MALRD1: variants seen among roughly 807,000 people sequenced by gnomAD.
MALRD1 encodes the protein MAM and LDL receptor class A domain containing 1.
In MALRD1, 247 loss-of-function variants were observed where a neutral mutation model predicts 242.1. That is an observed-to-expected ratio of 1.02 (90% CI 0.92 to 1.13). MALRD1 has a LOEUF of 1.13. MALRD1 is among the 50% of genes most tolerant of loss of function. MALRD1 has a pLI of 0.00. For missense variants in MALRD1, 2,989 were observed against 2,533.1 expected, an observed-to-expected ratio of 1.18 and a Z score of -3.86; for synonymous variants, 995 against 866.6, an observed-to-expected ratio of 1.15 and a Z score of -2.60.
chr10:19,483,217 A>G lies in MALRD1; in HGVS notation c.5030-8300A>G, dbSNP rs1343101398. The stretch of plus-strand genomic sequence containing the variant: ...CTATAAGAATCCTAGAAAAAAAAAA[A>G]ACCTAGGAAACACCATTTTTGACAC... On this transcript the variant is annotated intron_variant, in intron 29 of 39. Transcript: ENST00000454679. Among the ~76,000 whole-genome samples, 3 of 152,070 alleles carry G rather than the reference A, an allele frequency of 2.0e-5. No homozygotes were observed. In the East Asian group the frequency reaches 5.8e-4, roughly 29 times the overall value.
intron 34 of MALRD1, among the ~76,000 whole-genome samples, chr10:19,597,526 G>A (rs1838154865): frequency 6.6e-6 from 1 of 152,178 alleles, no homozygotes; most frequent in East Asian, 1.9e-4. Flanking sequence ...AGATATAACA[G>A]ACTTTGAGGG....
Position 19,561,753 on chromosome 10 carries a change from A to T in MALRD1, c.5479-5749A>T, listed in dbSNP as rs1423328664. ...TTTTCTCCTTCTTGGATGAAACAAG[A>T]AGGCTGGAATGCCTGGAACTGGTTA... On this transcript the variant is annotated intron_variant, in intron 32 of 39. Coordinates refer to ENST00000454679, the MANE Select transcript of MALRD1 (RefSeq NM_001142308.3). Among the ~76,000 whole-genome samples, 4 of 151,710 alleles carry T rather than the reference A, an allele frequency of 2.6e-5. No individual in the cohort carries two copies. In the East Asian group the frequency reaches 7.8e-4, roughly 29 times the overall value.
chr10:19,603,677 G>A (rs1297605285), intron 34 of MALRD1, among the ~76,000 whole-genome samples: 1 of 152,144 alleles, frequency 6.6e-6, no homozygotes, highest in African/African-American at 2.4e-5. Flanking sequence ...GGCAATGCGG[G>A]CCCTTTTTTG....
chr10:19,582,165 T>C (rs993746123), intron 33 of MALRD1, among the ~76,000 whole-genome samples: 5 of 152,124 alleles, frequency 3.3e-5, no homozygotes, highest in African/African-American at 9.7e-5. Context: ...TCTCCCATTC[T>C]GTAGGTTGCC....
At chr10:19,442,693 T>C (rs895008856) in intron 28 of MALRD1, among the ~76,000 whole-genome samples, 12 of 152,144 alleles carry the variant, frequency 7.9e-5, no homozygotes, top group Non-Finnish European at 1.5e-4. Flanking sequence ...TGGATAAGCT[T>C]TTTGATGTGC....
chr10:19,446,043 G>A (rs1255210935), intron 28 of MALRD1, among the ~76,000 whole-genome samples: 1 of 152,250 alleles, frequency 6.6e-6, no homozygotes, highest in South Asian at 2.1e-4. Context: ...AGACTGCTGT[G>A]CTAGCCATGA....
intron 36 of MALRD1, among the ~76,000 whole-genome samples, chr10:19,675,199 A>C (rs1842088361): frequency 6.6e-6 from 1 of 152,180 alleles, no homozygotes; most frequent in Non-Finnish European, 1.5e-5. Context: ...AATAAAAACC[A>C]CACAAGAGCA....
At chr10:19,495,447 TAA>T (rs937207916) in intron 30 of MALRD1, among the ~76,000 whole-genome samples, 26 of 124,702 alleles carry the variant, frequency 2.1e-4, no homozygotes, top group Admixed American at 4.9e-4. Context: ...TTCAACATTC[TAA>T]AAAAAAAAAA....
intron 32 of MALRD1, among the ~76,000 whole-genome samples, chr10:19,562,301 A>ATAGATAGATAGATAGG (rs1836006674): frequency 1.4e-5 from 1 of 69,922 alleles, no homozygotes; most frequent in Admixed American, 1.3e-4. Context: ...TCTTAGGTAG[A>ATAGATAGATAGATAGG]TAGATAGATA....
At chr10:19,491,671 C>T in intron 30 of MALRD1, 26 bp downstream of exon 30, 1 of 1,541,056 alleles carries the variant, frequency 6.5e-7, no homozygotes. Flanking sequence ...TGCTGTATGG[C>T]AGCCAGTTCA....
intron 36 of MALRD1, among the ~76,000 whole-genome samples, chr10:19,665,609 C>T (rs1425687392): frequency 2.0e-5 from 3 of 152,054 alleles, no homozygotes; most frequent in Non-Finnish European, 2.9e-5. Context: ...CCCAAGACAT[C>T]GCACCATTTC....
At chr10:19,711,323 T>A (rs932751083) in intron 38 of MALRD1, 2 of 152,228 alleles carry the variant, frequency 1.3e-5, no homozygotes, top group Non-Finnish European at 2.9e-5. Context: ...TCAGAAACTC[T>A]TAGCAATTCA....
In MALRD1 at chr10:19,342,104, A is replaced by AT. The variant is rs769113563; in HGVS notation, c.3902-5665dup. On this transcript the variant is annotated intron_variant, in intron 24 of 39. Coordinates refer to ENST00000454679, the MANE Select transcript of MALRD1 (RefSeq NM_001142308.3). Reference sequence around the variant, plus strand: ...TTTGCAGTAAGTTTATATTACGTATATTATTTATTTATTATAGTAAGGTCG... The same window carrying AT: ...TTTGCAGTAAGTTTATATTACGTATATTTATTTATTTATTATAGTAAGGTCG... Among the ~76,000 whole-genome samples, 49 of 152,184 alleles carry AT rather than the reference A, an allele frequency of 3.2e-4. 1 individual carries two copies. Among genetic ancestry groups the AT allele is most frequent in the South Asian group, 6.2e-4 (3 of 4,824 alleles).
At chr10:19,137,134 A>G (rs960081167) in intron 10 of MALRD1, among the ~76,000 whole-genome samples, 1 of 152,120 alleles carries the variant, frequency 6.6e-6, no homozygotes, top group African/African-American at 2.4e-5. Flanking sequence ...ATGGGTTGCT[A>G]ACTTTTATTG....
chr10:19,352,434 C>T (rs527988353), intron 26 of MALRD1, 137 bp downstream of exon 26: 1 of 885,820 alleles, frequency 1.1e-6, no homozygotes, highest in African/African-American at 1.7e-5. Context: ...TCTTTTTAAA[C>T]TCAAAAAAAT....
chr10:19,495,732 C>G (rs991308044), intron 30 of MALRD1, among the ~76,000 whole-genome samples: 6 of 152,086 alleles, frequency 3.9e-5, no homozygotes, highest in Non-Finnish European at 7.3e-5. Flanking sequence ...GTCATGTTAA[C>G]CTTGAATGTA....
intron 2 of MALRD1, among the ~76,000 whole-genome samples, chr10:19,082,400 T>C (rs1220366368): frequency 2.7e-5 from 4 of 150,042 alleles, no homozygotes; most frequent in African/African-American, 9.8e-5. Flanking sequence ...ATCAGTTATA[T>C]AATTGATTAT....
intron 24 of MALRD1, among the ~76,000 whole-genome samples, chr10:19,339,429 T>A (rs1843743295): frequency 6.6e-6 from 1 of 152,172 alleles, no homozygotes; most frequent in Non-Finnish European, 1.5e-5. Flanking sequence ...CACACAAATT[T>A]GTAATATAGT....
chr10:19,249,893 A>C (rs1400610969), intron 18 of MALRD1, among the ~76,000 whole-genome samples: 1 of 151,888 alleles, frequency 6.6e-6, no homozygotes, highest in African/African-American at 2.4e-5. Context: ...TTTCTGCTTT[A>C]GGTCTACATC....
Sources: gnomAD v4.1 joint callset for allele counts (sites outside exome capture counted in the v4.1 genomes callset) on GRCh38, gnomAD v4.1.1 for gene constraint, MANE v1.5 for transcripts, NCBI Gene and HGNC (gene_info 2026-07-23, HGNC 2026-07-21) for gene names.